SHC4: variants seen among roughly 807,000 people sequenced by gnomAD.
SHC4 encodes SHC-transforming protein 4.
Under a neutral mutation model 69.4 loss-of-function variants are expected in SHC4, and 41 were observed. The ratio of observed to expected loss-of-function variants is 0.59; its 90% CI spans 0.46 to 0.77. SHC4 has a LOEUF of 0.77. SHC4 is among the 30% of genes least tolerant of loss of function. The pLI is 0.00. For synonymous variants in SHC4, 318 were observed against 299.3 expected, an observed-to-expected ratio of 1.06 and a Z score of -0.64; for missense variants, 777 against 783.8, an observed-to-expected ratio of 0.99 and a Z score of 0.10.
chr15:48,874,888 C>T (rs929017520), intron 4 of SHC4, among the ~76,000 whole-genome samples: 4 of 152,082 alleles, frequency 2.6e-5, no homozygotes, highest in African/African-American at 4.8e-5. Context: ...GTTCCTGACC[C>T]GCCCATTATT....
chr15:48,895,437 A>T (rs1900206168), intron 2 of SHC4, among the ~76,000 whole-genome samples: 1 of 152,114 alleles, frequency 6.6e-6, no homozygotes, highest in African/African-American at 2.4e-5. Flanking sequence ...CTCCCCTAAC[A>T]TAGTGAGGCG....
intron 4 of SHC4, among the ~76,000 whole-genome samples, chr15:48,883,562 A>G (rs575362048): frequency 6.6e-6 from 1 of 152,370 alleles, no homozygotes; most frequent in South Asian, 2.1e-4. Flanking sequence ...ATAACCTGAT[A>G]GAAGGAATTT....
chr15:48,893,398 G>C (rs779483875), intron 2 of SHC4, among the ~76,000 whole-genome samples: 1 of 152,138 alleles, frequency 6.6e-6, no homozygotes, highest in Non-Finnish European at 1.5e-5. Context: ...TTCAGACTTT[G>C]CTCTTTTGCA....
intron 1 of SHC4, among the ~76,000 whole-genome samples, chr15:48,948,916 A>G (rs1901321313): frequency 6.6e-6 from 1 of 151,926 alleles, no homozygotes; most frequent in African/African-American, 2.4e-5. Context: ...AAAAAAGAAA[A>G]ATCACACACC....
intron 1 of SHC4, among the ~76,000 whole-genome samples, chr15:48,928,612 T>C (rs1025526484): frequency 1.3e-5 from 2 of 152,162 alleles, no homozygotes; most frequent in Non-Finnish European, 2.9e-5. Flanking sequence ...ATTTTTAGTG[T>C]CTTGGGGGTG....
chr15:48,962,310 T>C (rs1382090094), intron 1 of SHC4, 121 bp downstream of exon 1: 22 of 1,049,296 alleles, frequency 2.1e-5, no homozygotes, highest in Non-Finnish European at 2.8e-5. Flanking sequence ...CTTGGTCCAG[T>C]TGAATCATGT....
At chr15:48,930,365 A>T (rs1313160619) in intron 1 of SHC4, among the ~76,000 whole-genome samples, 1 of 152,236 alleles carries the variant, frequency 6.6e-6, no homozygotes, top group African/African-American at 2.4e-5. Flanking sequence ...GTAGGGTGAA[A>T]TCTCTTTTTA....
intron 4 of SHC4, chr15:48,877,646 A>T (rs1899835870): frequency 1.2e-6 from 1 of 827,320 alleles, no homozygotes; most frequent in African/African-American, 1.8e-5. Context: ...ACTAAAAAAA[A>T]AAAAAGTACA....
At chr15:48,958,602 G>A (rs1901491095) in intron 1 of SHC4, among the ~76,000 whole-genome samples, 1 of 152,208 alleles carries the variant, frequency 6.6e-6, no homozygotes, top group Non-Finnish European at 1.5e-5. Flanking sequence ...CCTCCCGTGT[G>A]AGAAAGGAAC....
intron 9 of SHC4, among the ~76,000 whole-genome samples, chr15:48,849,000 G>C (rs991841691): frequency 6.6e-6 from 1 of 152,112 alleles, no homozygotes; most frequent in Non-Finnish European, 1.5e-5. Flanking sequence ...GGGTTATTAA[G>C]GACAGGAGGG....
intron 2 of SHC4, among the ~76,000 whole-genome samples, chr15:48,894,817 C>T (rs1351550076): frequency 6.6e-6 from 1 of 151,952 alleles, no homozygotes; most frequent in Non-Finnish European, 1.5e-5. Context: ...ATGGGGGTCT[C>T]ACTCTGTTGC....
intron 6 of SHC4, among the ~76,000 whole-genome samples, chr15:48,861,219 C>A (rs962138006): frequency 6.6e-6 from 1 of 152,190 alleles, no homozygotes; most frequent in Non-Finnish European, 1.5e-5. Context: ...CTGCTTCAGC[C>A]TCCCAAGTAG....
At chr15:48,857,886 T>TA in intron 6 of SHC4, 71 bp from the exon 7 acceptor site, 1 of 1,288,206 alleles carries the variant, frequency 7.8e-7, no homozygotes. Context: ...AAAATCAGAG[T>TA]ACTTCAAAAC....
chr15:48,877,663 CTGT>C (rs1433163457), intron 4 of SHC4: 2 of 683,818 alleles, frequency 2.9e-6, no homozygotes, highest in Non-Finnish European at 3.6e-6. Flanking sequence ...TACAATATAT[CTGT>C]TGTTTGTGAA....
In SHC4 at chr15:48,834,937, G is replaced by T. The variant is rs1426199; in HGVS notation, c.1569C>A (p.Ser523Arg). The T allele has an allele frequency of 1.2e-6, 2 of 1,613,478 alleles. No individual in the cohort carries two copies. The highest frequency in any genetic ancestry group is 2.2e-5 in the South Asian group (2 of 91,034). Residue 523 changes from serine to arginine, a missense_variant, in exon 11 of 12, where the codon AGC becomes AGA. Ser to Arg is a moderately radical substitution (Grantham distance 110). Transcript: ENST00000332408. ...TCAGCTTGCCATGATAGCATTCTTC[G>T]CTCCACAGCTGCTGCTTAATGTGTG... is the stretch of plus-strand genomic sequence containing the variant. ...SLPHIKQQLWSEECYHGKLSR... is the reference protein window; with the variant it reads ...SLPHIKQQLWREECYHGKLSR...
chr15:48,919,007 C>T (rs1412651932), intron 2 of SHC4, among the ~76,000 whole-genome samples: 2 of 152,040 alleles, frequency 1.3e-5, no homozygotes, highest in African/African-American at 4.8e-5. Context: ...GGAAATAGTT[C>T]AAGAAGCTGG....
intron 2 of SHC4, among the ~76,000 whole-genome samples, chr15:48,909,078 T>G (rs1900461526): frequency 6.6e-6 from 1 of 152,214 alleles, no homozygotes; most frequent in Non-Finnish European, 1.5e-5. Context: ...TTTCTAATTC[T>G]GTGAAGAATG....
At chr15:48,904,666 C>T (rs1900375136) in intron 2 of SHC4, among the ~76,000 whole-genome samples, 1 of 152,054 alleles carries the variant, frequency 6.6e-6, no homozygotes, top group South Asian at 2.1e-4. Flanking sequence ...CTGCTTGAGG[C>T]CTAGAGTTTG....
intron 1 of SHC4, among the ~76,000 whole-genome samples, chr15:48,951,233 C>T (rs963782614): frequency 2.0e-5 from 3 of 152,060 alleles, no homozygotes; most frequent in African/African-American, 7.2e-5. Flanking sequence ...GGGACTCATC[C>T]CCAGCCACAT....
Sources: gnomAD v4.1 joint callset for allele counts (sites outside exome capture counted in the v4.1 genomes callset) on GRCh38, gnomAD v4.1.1 for gene constraint, MANE v1.5 for transcripts, NCBI Gene and HGNC (gene_info 2026-07-23, HGNC 2026-07-21) for gene names.